The following SLF2 variants were observed in gnomAD, a reference collection of about 807,000 sequenced individuals.
The protein encoded by SLF2 is SMC5/6 complex localization factor 2.
A neutral mutation model predicts 124.3 loss-of-function variants in SLF2; 68 were observed. The observed-to-expected ratio is 0.55, with a 90% CI of 0.45 to 0.67. SLF2 has a LOEUF of 0.67. Ranked by LOEUF, SLF2 falls within the 30% of genes least tolerant of loss-of-function variation. The probability of loss-of-function intolerance (pLI) is 0.00; values close to 1 mark genes in which losing one functional copy is unlikely to be tolerated. For missense variants in SLF2, 1,246 were observed against 1,373.7 expected, an observed-to-expected ratio of 0.91 and a Z score of 1.47; for synonymous variants, 480 against 478.8, an observed-to-expected ratio of 1.00 and a Z score of -0.03.
At position 100,916,608 on chromosome 10, in the gene SLF2, A is replaced by G. The variant is rs368116011; in HGVS notation, c.223A>G (p.Lys75Glu). ...MLDSPQKSNIKYGGSRLSITG... is the reference protein window; with the variant it reads ...MLDSPQKSNIEYGGSRLSITG... ...GGATTCACCACAAAAATCAAACATC[A>G]AATATGGAGGAAGTAGATTGTCTAT... Residue 75 changes from lysine to glutamate, a missense_variant, in exon 3 of 20, where the codon AAA (lysine) becomes GAA (glutamate). By Grantham distance (56) the Lys-to-Glu change is moderately conservative (BLOSUM62 1). Coordinates refer to ENST00000238961, the MANE Select transcript of SLF2 (RefSeq NM_018121.4). 7.0e-7 allele frequency: 1 copy of G among 1,419,350 alleles called. No individual in the cohort carries two copies. The highest frequency in any genetic ancestry group is 9.2e-7 in the Non-Finnish European group (1 of 1,083,148). The allele number at this position is 1,419,350 out of a possible 1,614,324, so 87.9% of individuals were successfully genotyped here.
rs1425546883 is a variant in SLF2 at position 100,924,298 on chromosome 10, G to A, written c.1297G>A (p.Glu433Lys). 6.2e-7 allele frequency: 1 copy of A among 1,614,114 alleles called. No individual in the cohort carries two copies. The highest frequency in any genetic ancestry group is 1.7e-5 in the Admixed American group (1 of 60,012). Residue 433 changes from glutamate (E) to lysine (K), a missense_variant, in exon 5 of 20, where the codon GAG becomes AAG. By Grantham distance (56) the Glu-to-Lys change is moderately conservative (BLOSUM62 1). Around this residue, in one of 3 missense-constraint regions of SLF2, gnomAD observed 698 missense variants for 708.9 expected, o/e 0.98. Transcript: ENST00000238961. ...SDQIQVAGTKETKMQKPHLPL... is the reference protein window; with the variant it reads ...SDQIQVAGTKKTKMQKPHLPL... ...CCAAATCCAAGTGGCAGGTACCAAG[G>A]AGACTAAGATGCAGAAACCCCACTT...
At chr10:100,935,087 A>G (rs1849817709) in intron 9 of SLF2, among the ~76,000 whole-genome samples, 1 of 152,178 alleles carries the variant, frequency 6.6e-6, no homozygotes, top group Non-Finnish European at 1.5e-5. Context: ...TTGTTCCCAA[A>G]AAATTGTCTT....
chr10:100,959,339 C>G, intron 18 of SLF2, 89 bp from the exon 19 acceptor site: 4 of 1,220,986 alleles, frequency 3.3e-6, no homozygotes, highest in Non-Finnish European at 3.3e-6. Flanking sequence ...GGGCCTGTTG[C>G]AGCTGTCAGA....
intron 17 of SLF2, among the ~76,000 whole-genome samples, chr10:100,955,041 G>A (rs368663188): frequency 1.3e-4 from 19 of 150,058 alleles, no homozygotes; most frequent in East Asian, 1.2e-3. Flanking sequence ...CCGGGTACAC[G>A]CCATTCTCCT....
intron 17 of SLF2, among the ~76,000 whole-genome samples, chr10:100,956,170 C>T (rs1448704008): frequency 6.6e-6 from 1 of 151,626 alleles, no homozygotes; most frequent in Non-Finnish European, 1.5e-5. Flanking sequence ...TTTCTGAGTA[C>T]TATATTACCC....
In SLF2 at chr10:100,931,136, C is replaced by T. The variant is rs1849727013; in HGVS notation, c.2436+58C>T. ...TCCTACTATATTTCTAAGTCAAAAG[C>T]TTTTAAACATAATTTTATTTGCACA... is the stretch of plus-strand genomic sequence containing the variant. On this transcript the variant is annotated intron_variant, in intron 9 of 19. Coordinates refer to ENST00000238961, the MANE Select transcript of SLF2 (RefSeq NM_018121.4). The T allele has an allele frequency of 2.3e-6, 3 of 1,325,224 alleles. No individual in the cohort carries two copies. In the South Asian group the frequency reaches 3.8e-5, roughly 17 times the overall value. The allele number at this position is 1,325,224 out of a possible 1,614,324, so 82.1% of individuals were successfully genotyped here. A position where few individuals can be genotyped will look rare whatever the true frequency, so the allele number is the denominator to read the frequency against.
intron 1 of SLF2, among the ~76,000 whole-genome samples, chr10:100,915,165 T>C (rs1849391435): frequency 6.6e-6 from 1 of 152,300 alleles, no homozygotes; most frequent in African/African-American, 2.4e-5. Context: ...GTACAGAAAT[T>C]CTTAAAAATT....
chr10:100,932,730 C>CGT (rs1432866120), intron 9 of SLF2, among the ~76,000 whole-genome samples: 87 of 150,904 alleles, frequency 5.8e-4, no homozygotes, highest in African/African-American at 2.0e-3. Context: ...TGCGCGCGCG[C>CGT]GCGCGCGCAC....
chr10:100,923,020 C>T (rs1057485155), intron 4 of SLF2, among the ~76,000 whole-genome samples: 1 of 152,084 alleles, frequency 6.6e-6, no homozygotes, highest in Non-Finnish European at 1.5e-5. Flanking sequence ...AAGTGATCTG[C>T]CCACTCCGGC....
At chr10:100,935,646 C>G (rs1278444386) in intron 9 of SLF2, among the ~76,000 whole-genome samples, 1 of 151,614 alleles carries the variant, frequency 6.6e-6, no homozygotes, top group Non-Finnish European at 1.5e-5. Context: ...CACCACTGCA[C>G]TCCAGCCTGG....
chr10:100,928,282 A>C (rs1033334907), intron 6 of SLF2, among the ~76,000 whole-genome samples: 1 of 152,160 alleles, frequency 6.6e-6, no homozygotes, highest in Non-Finnish European at 1.5e-5. Flanking sequence ...TATGTGCTAC[A>C]TATCTCAAAC....
At chr10:100,947,388 TTTTAA>T (rs1850125014) in intron 14 of SLF2, among the ~76,000 whole-genome samples, 1 of 152,150 alleles carries the variant, frequency 6.6e-6, no homozygotes, top group African/African-American at 2.4e-5. Flanking sequence ...ATTTTTTTAT[TTTTAA>T]TTTTAGTTTA....
chr10:100,938,510 C>T, intron 10 of SLF2, 85 bp from the exon 11 acceptor site: 1 of 1,303,238 alleles, frequency 7.7e-7, no homozygotes, highest in Non-Finnish European at 1.1e-6. Context: ...TGTAATTATT[C>T]ATGTTTCACC....
At chr10:100,913,285 G>T in intron 1 of SLF2, 35 bp downstream of exon 1, 1 of 1,530,592 alleles carries the variant, frequency 6.5e-7, no homozygotes, top group Non-Finnish European at 8.8e-7. Context: ...GGGCCGGGTC[G>T]CGGGGGCAAG....
intron 4 of SLF2, among the ~76,000 whole-genome samples, chr10:100,922,937 G>T (rs1403208309): frequency 1.3e-5 from 2 of 151,782 alleles, no homozygotes. Context: ...CACCATGCCT[G>T]GCTAATTTTT....
intron 12 of SLF2, among the ~76,000 whole-genome samples, chr10:100,944,460 A>C (rs1369502996): frequency 7.1e-6 from 1 of 140,238 alleles, no homozygotes; most frequent in Admixed American, 8.1e-5. Context: ...GTGCCACTGC[A>C]CTCTAGCCTG....
At chr10:100,938,570 T>G (rs1189613157) in intron 10 of SLF2, 25 bp from the exon 11 acceptor site, 1 of 1,594,768 alleles carries the variant, frequency 6.3e-7, no homozygotes, top group Non-Finnish European at 8.5e-7. Flanking sequence ...AGATTTAGAA[T>G]GAAATGTTTT....
chr10:100,913,472 G>A, intron 1 of SLF2: 1 of 1,288,590 alleles, frequency 7.8e-7, no homozygotes, highest in African/African-American at 1.5e-5. Context: ...GTGACCACCA[G>A]CCTGGACAGC....
intron 14 of SLF2, among the ~76,000 whole-genome samples, chr10:100,947,385 T>G (rs1368295757): frequency 1.3e-5 from 2 of 152,220 alleles, no homozygotes; most frequent in East Asian, 3.9e-4. Context: ...AATATTTTTT[T>G]ATTTTTAATT....
Sources: gnomAD v4.1 joint callset for allele counts (sites outside exome capture counted in the v4.1 genomes callset) on GRCh38, gnomAD v4.1.1 for gene constraint, gnomAD v4.1.1 regional missense constraint, MANE v1.5 for transcripts, NCBI Gene and HGNC (gene_info 2026-07-23, HGNC 2026-07-21) for gene names.